ADCY2: variants seen among roughly 807,000 people sequenced by gnomAD.
ADCY2 encodes the protein adenylate cyclase 2.
A neutral mutation model predicts 125.2 loss-of-function variants in ADCY2; 31 were observed. That is an observed-to-expected ratio of 0.25 (90% CI 0.19 to 0.33). The LOEUF is 0.33. ADCY2 is among the 10% of genes least tolerant of loss of function. The pLI is 1.00. For synonymous variants in ADCY2, 512 were observed against 548.4 expected, an observed-to-expected ratio of 0.93 and a Z score of 0.93; for missense variants, 904 against 1,418.2, an observed-to-expected ratio of 0.64 and a Z score of 5.82.
chr5:7,793,027 C>G (rs1218011854), intron 20 of ADCY2, among the ~76,000 whole-genome samples: 1 of 152,204 alleles, frequency 6.6e-6, no homozygotes, highest in Non-Finnish European at 1.5e-5. Flanking sequence ...ACAGTGACTC[C>G]TCCACTTCCC....
chr5:7,733,231 A>T (rs562641247), intron 14 of ADCY2, among the ~76,000 whole-genome samples: 190 of 152,304 alleles, frequency 1.2e-3, no homozygotes, highest in African/African-American at 4.3e-3. Context: ...TATAATGTTA[A>T]ATGTCTTAGA....
intron 16 of ADCY2, among the ~76,000 whole-genome samples, chr5:7,765,889 G>A (rs1206894402): frequency 1.3e-5 from 2 of 152,092 alleles, no homozygotes; most frequent in African/African-American, 4.8e-5. Context: ...TGGCTGATCC[G>A]TGGGTATTTA....
At chr5:7,534,501 G>A (rs2096672593) in intron 3 of ADCY2, among the ~76,000 whole-genome samples, 1 of 152,104 alleles carries the variant, frequency 6.6e-6, no homozygotes, top group African/African-American at 2.4e-5. Flanking sequence ...ATAAGATGAG[G>A]GAGGGATGAA....
At chr5:7,407,875 T>C (rs866527626) in intron 1 of ADCY2, among the ~76,000 whole-genome samples, 1 of 150,420 alleles carries the variant, frequency 6.6e-6, no homozygotes, top group African/African-American at 2.4e-5. Context: ...TTCTTTTTTT[T>C]TTTTTTTTTT....
intron 2 of ADCY2, among the ~76,000 whole-genome samples, chr5:7,502,585 G>C (rs1579510727): frequency 1.3e-5 from 2 of 152,182 alleles, no homozygotes; most frequent in South Asian, 4.1e-4. Context: ...ATGGGCTTAA[G>C]GAAAAAGGAA....
intron 3 of ADCY2, among the ~76,000 whole-genome samples, chr5:7,590,937 CAAATG>C (rs1168304963): frequency 6.6e-6 from 1 of 151,928 alleles, no homozygotes; most frequent in African/African-American, 2.4e-5. Context: ...AAATAATATT[CAAATG>C]GAAAAAGTGG....
intron 16 of ADCY2, among the ~76,000 whole-genome samples, chr5:7,766,196 G>A (rs1210772158): frequency 1.3e-5 from 2 of 151,912 alleles, no homozygotes; most frequent in African/African-American, 2.4e-5. Context: ...TACAAATGTC[G>A]AGGCTGGTGA....
chr5:7,750,663 T>C (rs1366998693), intron 15 of ADCY2, among the ~76,000 whole-genome samples: 1 of 152,136 alleles, frequency 6.6e-6, no homozygotes, highest in African/African-American at 2.4e-5. Context: ...TTTTCTAACA[T>C]TCTAAAAACA....
At chr5:7,730,165 T>G (rs1742057049) in intron 14 of ADCY2, among the ~76,000 whole-genome samples, 1 of 152,222 alleles carries the variant, frequency 6.6e-6, no homozygotes, top group African/African-American at 2.4e-5. Flanking sequence ...TTATTTCACT[T>G]AGAATAATGG....
At chr5:7,815,955 C>T (rs557124552) in intron 22 of ADCY2, among the ~76,000 whole-genome samples, 6 of 152,202 alleles carry the variant, frequency 3.9e-5, no homozygotes, top group African/African-American at 1.4e-4. Flanking sequence ...CTCTTCTCCC[C>T]CTGTCGGGCC....
chr5:7,804,445 C>T (rs1744697837), intron 21 of ADCY2, 140 bp from the exon 22 acceptor site: 5 of 706,166 alleles, frequency 7.1e-6, no homozygotes, highest in Admixed American at 2.1e-5. Context: ...TGGAAAAGCC[C>T]AGGGCCCAAG....
chr5:7,568,898 A>C (rs1735989504), intron 3 of ADCY2, among the ~76,000 whole-genome samples: 1 of 152,160 alleles, frequency 6.6e-6, no homozygotes, highest in African/African-American at 2.4e-5. Flanking sequence ...CATGAGTCTA[A>C]GTGAACATCT....
intron 2 of ADCY2, among the ~76,000 whole-genome samples, chr5:7,427,284 C>T (rs1740420378): frequency 6.6e-6 from 1 of 152,172 alleles, no homozygotes; most frequent in Admixed American, 6.5e-5. Flanking sequence ...TTAGTTCATT[C>T]TCATGCTGCT....
chr5:7,570,716 T>C (rs1736041623), intron 3 of ADCY2, among the ~76,000 whole-genome samples: 1 of 151,678 alleles, frequency 6.6e-6, no homozygotes, highest in East Asian at 1.9e-4. Flanking sequence ...AATTTCACAC[T>C]CCCTTCAAGA....
chr5:7,780,098 G>C (rs1173160644), intron 18 of ADCY2, among the ~76,000 whole-genome samples: 1 of 152,174 alleles, frequency 6.6e-6, no homozygotes, highest in East Asian at 1.9e-4. Flanking sequence ...CATGAAAGTA[G>C]ACCGAGTGTG....
Position 7,396,349 on chromosome 5 carries a change from A to C in ADCY2, c.53A>C (p.Glu18Ala). The C allele has an allele frequency of 6.5e-7, 1 of 1,541,102 alleles. No individual in the cohort carries two copies. Among genetic ancestry groups the C allele is most frequent in the Non-Finnish European group, 8.7e-7 (1 of 1,145,634 alleles). Residue 18 changes from glutamate to alanine, a missense_variant, in exon 1 of 25, where the codon GAG (glutamate) becomes GCG (alanine). Glu to Ala is a moderately radical substitution (Grantham distance 107). This residue lies in a region of ADCY2 where 113 missense variants were observed against 108.0 expected (regional missense o/e 1.05). Transcript: ENST00000338316. The surrounding 1 kb of genome is among the most constrained non-coding windows in gnomAD (Gnocchi z 5.7). ...CGCTACCTGCGGGACCGCTCCGAGG[A>C]GGCGGCGGGCGGCGGAGACGGGCTG... ...RRRYLRDRSE[E>A]AAGGGDGLPR...
intron 22 of ADCY2, among the ~76,000 whole-genome samples, chr5:7,814,603 C>T (rs1745046945): frequency 6.6e-6 from 1 of 152,004 alleles, no homozygotes; most frequent in South Asian, 2.1e-4. Context: ...GATGAATAAC[C>T]CCTTCTTCAT....
chr5:7,813,963 G>A (rs1221343265), intron 22 of ADCY2, among the ~76,000 whole-genome samples: 1 of 151,940 alleles, frequency 6.6e-6, no homozygotes, highest in Admixed American at 6.6e-5. Flanking sequence ...TAAGGAGCAA[G>A]ATGTTTTCCA....
At chr5:7,812,112 C>T (rs924638135) in intron 22 of ADCY2, among the ~76,000 whole-genome samples, 10 of 152,112 alleles carry the variant, frequency 6.6e-5, no homozygotes, top group African/African-American at 2.4e-4. Flanking sequence ...ATACAGAGAC[C>T]GTCCCTGCCA....
Sources: allele counts gnomAD v4.1 joint callset (sites outside exome capture counted in the v4.1 genomes callset), GRCh38; gene constraint gnomAD v4.1.1; regional missense constraint gnomAD v4.1.1; non-coding constraint Gnocchi (gnomAD v3.1); transcripts MANE v1.5; gene names NCBI Gene and HGNC (gene_info 2026-07-23, HGNC 2026-07-21).